The following MYO1D variants were observed in gnomAD, a reference collection of about 807,000 sequenced individuals.
MYO1D encodes unconventional myosin-Id.
Under a neutral mutation model 122.0 loss-of-function variants are expected in MYO1D, and 83 were observed. The ratio of observed to expected loss-of-function variants is 0.68; its 90% CI spans 0.57 to 0.82. The LOEUF (loss-of-function observed/expected upper bound fraction) is 0.82. MYO1D is among the 40% of genes least tolerant of loss of function. The pLI is 0.00. For missense variants in MYO1D, 1,157 were observed against 1,269.5 expected (o/e 0.91, Z 1.35); for synonymous variants, 464 against 446.9 (o/e 1.04, Z -0.48).
intron 16 of MYO1D, among the ~76,000 whole-genome samples, chr17:32,699,153 T>C (rs1162580072): frequency 6.6e-6 from 1 of 151,918 alleles, no homozygotes; most frequent in African/African-American, 2.4e-5. Flanking sequence ...TTAGTAGAGA[T>C]GGGGTTTCAC....
At chr17:32,549,474 A>G (rs2086992288) in intron 21 of MYO1D, among the ~76,000 whole-genome samples, 1 of 152,238 alleles carries the variant, frequency 6.6e-6, no homozygotes, top group Non-Finnish European at 1.5e-5. Flanking sequence ...TGAAAATGTT[A>G]GCGAGGTCAT....
intron 20 of MYO1D, among the ~76,000 whole-genome samples, chr17:32,619,924 T>C (rs2087832569): frequency 6.6e-6 from 1 of 152,230 alleles, no homozygotes; most frequent in Non-Finnish European, 1.5e-5. Flanking sequence ...TGAGTGATTT[T>C]GTATTGTATC....
intron 21 of MYO1D, among the ~76,000 whole-genome samples, chr17:32,554,807 C>T (rs746311885): frequency 7.9e-5 from 12 of 152,128 alleles, no homozygotes; most frequent in East Asian, 1.9e-4. Context: ...TGGCAGAAAA[C>T]GTTCAATTTC....
At chr17:32,707,690 C>T (rs1438169129) in intron 16 of MYO1D, among the ~76,000 whole-genome samples, 1 of 152,154 alleles carries the variant, frequency 6.6e-6, no homozygotes, top group Non-Finnish European at 1.5e-5. Context: ...ACAAAACTTT[C>T]CCTAAGTAAT....
intron 14 of MYO1D, chr17:32,727,670 A>T (rs937406455): frequency 5.1e-4 from 77 of 152,354 alleles, no homozygotes; most frequent in African/African-American, 1.6e-3. Context: ...GTCAAATAGA[A>T]GCATTAACAA....
At chr17:32,800,700 T>C (rs572290114) in intron 1 of MYO1D, among the ~76,000 whole-genome samples, 2 of 152,164 alleles carry the variant, frequency 1.3e-5, no homozygotes, top group South Asian at 4.1e-4. Context: ...TTTTTGTTTT[T>C]TTTTGTTTTT....
chr17:32,646,524 T>C (rs2088297359), intron 19 of MYO1D, among the ~76,000 whole-genome samples: 1 of 152,026 alleles, frequency 6.6e-6, no homozygotes, highest in East Asian at 1.9e-4. Flanking sequence ...GGAATCATAC[T>C]GAAAAACATA....
chr17:32,811,536 C>T (rs2090571888), intron 1 of MYO1D, among the ~76,000 whole-genome samples: 1 of 150,866 alleles, frequency 6.6e-6, no homozygotes, highest in Non-Finnish European at 1.5e-5. Context: ...ATATCTTTTA[C>T]TTCTAATCAT....
At chr17:32,758,835 C>A (rs926794949) in intron 10 of MYO1D, among the ~76,000 whole-genome samples, 3 of 152,134 alleles carry the variant, frequency 2.0e-5, no homozygotes, top group African/African-American at 7.2e-5. Flanking sequence ...GCCTTCTGCT[C>A]CCTCTAGGAC....
At chr17:32,852,374 A>T (rs900840220) in intron 1 of MYO1D, among the ~76,000 whole-genome samples, 1 of 152,056 alleles carries the variant, frequency 6.6e-6, no homozygotes, top group Admixed American at 6.6e-5. Flanking sequence ...TGATCCACCC[A>T]CCTCGGCCTC....
chr17:32,834,900 T>G (rs771423696), intron 1 of MYO1D, among the ~76,000 whole-genome samples: 1 of 152,136 alleles, frequency 6.6e-6, no homozygotes, highest in Non-Finnish European at 1.5e-5. Context: ...TAGTCCCAGC[T>G]ACTCGGGAGA....
At position 32,833,912 on chromosome 17, in the gene MYO1D, G is replaced by A. The variant is rs147110360; in HGVS notation, c.95+42866C>T. ...AGATAAGACCCCCTACTACACCTCC[G>A]AACACTCCCTCTCTCCACATTGTGC... On this transcript the variant is annotated intron_variant, in intron 1 of 21. Transcript: ENST00000318217. Among the ~76,000 whole-genome samples the A allele has an allele frequency of 1.3e-4, 19 of 150,474 alleles. No homozygotes were observed. In the East Asian group the frequency reaches 2.3e-3, roughly 18 times the overall value.
chr17:32,851,104 T>C (rs116003650), intron 1 of MYO1D, among the ~76,000 whole-genome samples: 2,124 of 152,202 alleles, frequency 0.014, 45 homozygotes, highest in African/African-American at 0.047. Context: ...TGGTGATCCT[T>C]GTACTTGTCC....
chr17:32,684,066 C>A (rs920972501), intron 16 of MYO1D: 1 of 153,298 alleles, frequency 6.5e-6, no homozygotes. Context: ...TGACCCCTTG[C>A]GCTTCCCAGG....
chr17:32,849,782 G>A (rs1284352499), intron 1 of MYO1D, among the ~76,000 whole-genome samples: 14 of 149,382 alleles, frequency 9.4e-5, no homozygotes, highest in Admixed American at 8.1e-4. Flanking sequence ...CCTGCACAAT[G>A]TGCACATGTA....
chr17:32,614,790 T>C (rs561839897), intron 20 of MYO1D, among the ~76,000 whole-genome samples: 2 of 152,324 alleles, frequency 1.3e-5, no homozygotes, highest in Admixed American at 1.3e-4. Context: ...AGAGCCCTCA[T>C]GCAAGCAGGC....
At chr17:32,548,358 A>C (rs1162357765) in intron 21 of MYO1D, among the ~76,000 whole-genome samples, 1 of 151,110 alleles carries the variant, frequency 6.6e-6, no homozygotes, top group African/African-American at 2.4e-5. Context: ...ATCCGAGGAG[A>C]AGGAGGTTGC....
intron 1 of MYO1D, among the ~76,000 whole-genome samples, chr17:32,872,193 G>C (rs945281214): frequency 6.6e-6 from 1 of 152,170 alleles, no homozygotes; most frequent in African/African-American, 2.4e-5. Context: ...AATACAAGCA[G>C]GTTTTGTTAT....
At position 32,767,683 on chromosome 17, in the gene MYO1D, C is replaced by T. The variant is rs776000011; in HGVS notation, c.784G>A (p.Glu262Lys). ...DAMKVIGFKPEEIQTVYKILA... is the reference protein window; with the variant it reads ...DAMKVIGFKPKEIQTVYKILA... ...ATCTTATACACTGTTTGGATCTCCT[C>T]AGGTTTGAAGCCAATGACTTTCATG... Residue 262 changes from glutamate (E) to lysine (K), a missense_variant, in exon 7 of 22, where the codon GAG becomes AAG. Physicochemically the swap from Glu to Lys is moderately conservative, Grantham distance 56. Coordinates refer to ENST00000318217, the MANE Select transcript of MYO1D (RefSeq NM_015194.3). The T allele has an allele frequency of 1.2e-6, 2 of 1,613,856 alleles. No individual in the cohort carries two copies. Among genetic ancestry groups the T allele is most frequent in the Non-Finnish European group, 1.7e-6 (2 of 1,179,964 alleles).
Sources: allele counts gnomAD v4.1 joint callset (sites outside exome capture counted in the v4.1 genomes callset), GRCh38; gene constraint gnomAD v4.1.1; transcripts MANE v1.5; gene names NCBI Gene and HGNC (gene_info 2026-07-23, HGNC 2026-07-21).